Variants in OXR1 observed in about 807,000 individuals in gnomAD.
OXR1 encodes the protein oxidation resistance 1.
Under a neutral mutation model 104.6 loss-of-function variants are expected in OXR1, and 41 were observed. The ratio of observed to expected loss-of-function variants is 0.39; its 90% CI spans 0.31 to 0.51. The LOEUF is 0.51. Among genes scored for constraint, OXR1 ranks in the 20% least tolerant of loss-of-function variants. The pLI is 0.77. For missense variants in OXR1, 955 were observed against 1,031.9 expected, an observed-to-expected ratio of 0.93 and a Z score of 1.02; for synonymous variants, 348 against 348.4, an observed-to-expected ratio of 1.00 and a Z score of 0.01.
At chr8:106,330,037 T>C (rs797001764) in intron 1 of OXR1, among the ~76,000 whole-genome samples, 3 of 152,244 alleles carry the variant, frequency 2.0e-5, no homozygotes, top group African/African-American at 7.2e-5. Context: ...CCCAAATTTG[T>C]CCTATGATTT....
chr8:106,364,288 AT>A (rs889220594), intron 2 of OXR1, among the ~76,000 whole-genome samples: 1 of 152,068 alleles, frequency 6.6e-6, no homozygotes, highest in Non-Finnish European at 1.5e-5. Flanking sequence ...AAAAATAATG[AT>A]TTTTTTTAGG....
chr8:106,722,684 G>A (rs977348582), intron 11 of OXR1, among the ~76,000 whole-genome samples: 4 of 152,072 alleles, frequency 2.6e-5, no homozygotes, highest in African/African-American at 4.8e-5. Flanking sequence ...GAAGTAATAG[G>A]CCATACCGTA....
chr8:106,715,370 GTTAC>G (rs1459722930), intron 11 of OXR1, among the ~76,000 whole-genome samples: 1 of 149,674 alleles, frequency 6.7e-6, no homozygotes, highest in South Asian at 2.1e-4. Flanking sequence ...CTCAGTGGTG[GTTAC>G]TTGGGTGATT....
intron 3 of OXR1, among the ~76,000 whole-genome samples, chr8:106,649,865 T>G (rs994792218): frequency 6.6e-6 from 1 of 151,972 alleles, no homozygotes; most frequent in African/African-American, 2.4e-5. Context: ...CCCAGCTAAT[T>G]TTTTGTATTT....
At chr8:106,437,175 G>A (rs529097014) in intron 2 of OXR1, among the ~76,000 whole-genome samples, 5 of 152,052 alleles carry the variant, frequency 3.3e-5, no homozygotes, top group Non-Finnish European at 4.4e-5. Context: ...CTGTACTTCC[G>A]TTAAAAAAAT....
chr8:106,676,460 A>G (rs1005966617), intron 3 of OXR1, among the ~76,000 whole-genome samples: 1 of 151,732 alleles, frequency 6.6e-6, no homozygotes, highest in African/African-American at 2.4e-5. Context: ...TCCTTTCCAT[A>G]TTTTAGGGTT....
intron 3 of OXR1, among the ~76,000 whole-genome samples, chr8:106,628,792 A>G (rs1297408892): frequency 6.6e-6 from 1 of 152,174 alleles, no homozygotes; most frequent in Non-Finnish European, 1.5e-5. Context: ...CACTTCACGT[A>G]TGCAGCACTG....
chr8:106,551,868 G>GTA, intron 3 of OXR1, among the ~76,000 whole-genome samples: 1 of 127,016 alleles, frequency 7.9e-6, no homozygotes, highest in South Asian at 2.4e-4. Flanking sequence ...ATATGTGTGT[G>GTA]TGTGTGTGTG....
At chr8:106,379,583 G>A (rs1225434582) in intron 2 of OXR1, among the ~76,000 whole-genome samples, 3 of 116,802 alleles carry the variant, frequency 2.6e-5, no homozygotes, top group African/African-American at 1.0e-4. Context: ...CTGTCACCCC[G>A]ACTAGAGGGC....
intron 3 of OXR1, among the ~76,000 whole-genome samples, chr8:106,610,887 A>G (rs577818006): frequency 1.3e-5 from 2 of 152,366 alleles, no homozygotes; most frequent in East Asian, 1.9e-4. Context: ...CCTTCCGTCA[A>G]TAAGGTTTTC....
intron 1 of OXR1, among the ~76,000 whole-genome samples, chr8:106,354,351 A>G (rs1815868702): frequency 6.6e-6 from 1 of 152,192 alleles, no homozygotes; most frequent in Non-Finnish European, 1.5e-5. Flanking sequence ...TCTTTAGCAT[A>G]AAAGTCTTCT....
intron 15 of OXR1, among the ~76,000 whole-genome samples, chr8:106,743,313 T>C (rs1835088971): frequency 6.6e-6 from 1 of 152,130 alleles, no homozygotes; most frequent in Non-Finnish European, 1.5e-5. Flanking sequence ...AGGAATGTTT[T>C]ATTTTGTTGT....
intron 1 of OXR1, among the ~76,000 whole-genome samples, chr8:106,280,644 G>A (rs895823415): frequency 2.6e-5 from 4 of 152,138 alleles, no homozygotes; most frequent in African/African-American, 9.7e-5. Flanking sequence ...AAGACTACTG[G>A]AGATGGGTGG....
At chr8:106,598,843 C>A (rs1819725997) in intron 3 of OXR1, among the ~76,000 whole-genome samples, 1 of 151,788 alleles carries the variant, frequency 6.6e-6, no homozygotes, top group South Asian at 2.1e-4. Flanking sequence ...GATATTTTGC[C>A]TCAGAAAAAA....
At chr8:106,295,409 A>G (rs1008860388) in intron 1 of OXR1, among the ~76,000 whole-genome samples, 13 of 152,192 alleles carry the variant, frequency 8.5e-5, no homozygotes, top group African/African-American at 2.9e-4. Context: ...ATATATGTCT[A>G]TCATATATAT....
Position 106,307,455 on chromosome 8 carries a change from T to C in OXR1, c.-139+37088T>C, listed in dbSNP as rs117639099. Among the ~76,000 whole-genome samples the C allele has an allele frequency of 5.7e-3, 870 of 152,316 alleles. 6 individuals are homozygous for C. The highest frequency in any genetic ancestry group is 9.5e-3 in the Non-Finnish European group (647 of 68,024). Reference sequence around the variant, plus strand: ...ACCCATTGTCTTCGGGTTTCCAGAATGTGTCTTACTCTGTTTCATCCTGGG... The same window carrying C: ...ACCCATTGTCTTCGGGTTTCCAGAACGTGTCTTACTCTGTTTCATCCTGGG... On this transcript the variant is annotated intron_variant, in intron 1 of 16. Transcript: ENST00000517566.
At position 106,739,531 on chromosome 8, in the gene OXR1, G is replaced by A. The variant is rs770962896; in HGVS notation, c.2111G>A (p.Arg704Gln). The A allele has an allele frequency of 1.7e-5, 27 of 1,613,262 alleles. No individual in the cohort carries two copies. Among genetic ancestry groups the A allele is most frequent in the South Asian group, 8.8e-5 (8 of 91,064 alleles). ...GCAGACCTGGAGTCTGAATCTTTTC[G>A]ACCAAACCTAAGTGATCCCAGTGAA... ...VKADLESESF[R>Q]PNLSDPSELL... Residue 704 changes from arginine (R) to glutamine (Q), a missense_variant, in exon 13 of 17, where the codon CGA becomes CAA. Coordinates refer to ENST00000517566, the MANE Select transcript of OXR1 (RefSeq NM_001198533.2).
chr8:106,281,339 A>G (rs1226005644), intron 1 of OXR1, among the ~76,000 whole-genome samples: 2 of 152,216 alleles, frequency 1.3e-5, no homozygotes. Flanking sequence ...ATGGATAAAC[A>G]AATAGTCATG....
At chr8:106,289,818 G>A (rs989874787) in intron 1 of OXR1, among the ~76,000 whole-genome samples, 1 of 152,146 alleles carries the variant, frequency 6.6e-6, no homozygotes, top group Non-Finnish European at 1.5e-5. Context: ...GTGACCCAGT[G>A]GGAAGTAACT....
Sources: gnomAD v4.1 joint callset for allele counts (sites outside exome capture counted in the v4.1 genomes callset) on GRCh38, gnomAD v4.1.1 for gene constraint, MANE v1.5 for transcripts, NCBI Gene and HGNC (gene_info 2026-07-23, HGNC 2026-07-21) for gene names.